The following NOS1 variants were observed in gnomAD, a reference collection of about 807,000 sequenced individuals.
The protein encoded by NOS1 is NOS type I.
A neutral mutation model predicts 164.5 loss-of-function variants in NOS1; 51 were observed. The observed-to-expected ratio is 0.31, with a 90% confidence interval of 0.25 to 0.39. NOS1 has a LOEUF of 0.39. NOS1 is among the 10% of genes least tolerant of loss of function. The pLI, the probability that NOS1 is intolerant of heterozygous loss-of-function variation, is 1.00. For missense variants in NOS1, 1,362 were observed against 1,885.6 expected, an observed-to-expected ratio of 0.72 and a Z score of 5.14; for synonymous variants, 719 against 745.8, an observed-to-expected ratio of 0.96 and a Z score of 0.59.
At chr12:117,275,386 A>G (rs1179317027) in intron 9 of NOS1, among the ~76,000 whole-genome samples, 2 of 152,188 alleles carry the variant, frequency 1.3e-5, no homozygotes, top group Non-Finnish European at 2.9e-5. Flanking sequence ...GTTAAGTGAA[A>G]TGAACCAGGA....
chr12:117,342,912 G>C (rs1231197933), intron 1 of NOS1, among the ~76,000 whole-genome samples: 1 of 152,030 alleles, frequency 6.6e-6, no homozygotes, highest in Non-Finnish European at 1.5e-5. Context: ...GAGTCAACAA[G>C]ATTTGGTGAC....
At chr12:117,261,833 A>G (rs531274319) in intron 13 of NOS1, among the ~76,000 whole-genome samples, 37 of 152,352 alleles carry the variant, frequency 2.4e-4, no homozygotes, top group Middle Eastern at 3.4e-3. Context: ...AGATGCTGCC[A>G]CTGAGACCCT....
chr12:117,291,401 G>A (rs1483010445), intron 3 of NOS1, among the ~76,000 whole-genome samples: 1 of 151,968 alleles, frequency 6.6e-6, no homozygotes, highest in African/African-American at 2.4e-5. Flanking sequence ...CCTCTTTATG[G>A]GGACCTTTAG....
chr12:117,335,285 G>C (rs1875753210), intron 1 of NOS1, among the ~76,000 whole-genome samples: 1 of 152,132 alleles, frequency 6.6e-6, no homozygotes, highest in African/African-American at 2.4e-5. Flanking sequence ...GGTCTGGGTG[G>C]GGGGCACCGT....
intron 5 of NOS1, 84 bp downstream of exon 5, chr12:117,287,990 T>C (rs1007750163): frequency 6.5e-6 from 10 of 1,544,508 alleles, no homozygotes; most frequent in Non-Finnish European, 8.0e-6. Context: ...TGCCTTGGCC[T>C]TGGTTTGCAA....
chr12:117,340,873 A>ATTTTTTTTTTTTT (rs56322341), intron 1 of NOS1, among the ~76,000 whole-genome samples: 282 of 104,384 alleles, frequency 2.7e-3, no homozygotes, highest in African/African-American at 3.5e-3. Flanking sequence ...ACACCTGGCT[A>ATTTTTTTTTTTTT]TTTTTTTTTT....
intron 26 of NOS1, 48 bp downstream of exon 26, chr12:117,222,667 T>C (rs368044548): frequency 6.4e-7 from 1 of 1,572,590 alleles, no homozygotes; most frequent in East Asian, 2.2e-5. Context: ...GATGTCCAAG[T>C]GTGCATGTGT....
intron 17 of NOS1, among the ~76,000 whole-genome samples, chr12:117,250,389 T>C (rs1413185701): frequency 6.7e-6 from 1 of 150,254 alleles, no homozygotes; most frequent in African/African-American, 2.5e-5. Context: ...AGTGCAGTGG[T>C]GTGATCTTGG....
chr12:117,277,945 C>T lies in NOS1; in HGVS notation c.1664+14G>A, dbSNP rs771976848. On this transcript the variant is annotated intron_variant, in intron 9 of 28. Transcript: ENST00000317775. ...CCCACTCACCCTCTCCCACCCCTTGCCAGTCCCTCTTACTTGGGGTGCCTG... is the reference window on the plus strand; with the variant it reads ...CCCACTCACCCTCTCCCACCCCTTGTCAGTCCCTCTTACTTGGGGTGCCTG... The T allele has an allele frequency of 1.2e-6, 2 of 1,606,426 alleles. No homozygotes were observed. Among genetic ancestry groups the T allele is most frequent in the South Asian group, 2.2e-5 (2 of 90,358 alleles).
chr12:117,277,896 GGGC>G, intron 9 of NOS1, 60 bp downstream of exon 9: 1 of 1,519,580 alleles, frequency 6.6e-7, no homozygotes, highest in Non-Finnish European at 8.9e-7. Context: ...GGATGGGGCT[GGGC>G]AAAGAGGGGC....
chr12:117,302,587 T>G, intron 3 of NOS1, among the ~76,000 whole-genome samples: 1 of 90,934 alleles, frequency 1.1e-5, no homozygotes, highest in South Asian at 4.3e-4. Flanking sequence ...AGAGCGAGAC[T>G]CCGTCTCAAA....
intron 13 of NOS1, among the ~76,000 whole-genome samples, chr12:117,263,478 AC>A (rs1872106889): frequency 1.3e-5 from 2 of 151,876 alleles, no homozygotes; most frequent in South Asian, 4.2e-4. Flanking sequence ...TGGGGAACAG[AC>A]CCTATCTCAA....
At position 117,210,573 on chromosome 12, in the gene NOS1, A is replaced by C. The variant is rs1193730085; in HGVS notation, c.*4736T>G. On this transcript the variant is annotated 3_prime_UTR_variant, in exon 29 of 29. Coordinates refer to ENST00000317775, the MANE Select transcript of NOS1 (RefSeq NM_000620.5). ...CTAATGGCAAGAATGAAAAGGCTGC[A>C]TTAGGCGCTGGTGCTGTCGGAGTGA... 7 of 985,438 alleles carry C rather than the reference A, an allele frequency of 7.1e-6. No homozygotes were observed. The highest frequency in any genetic ancestry group is 8.4e-6 in the Non-Finnish European group (7 of 830,016). 61.0% of individuals were successfully genotyped at this position (985,438 alleles called of 1,614,324 possible). A position where few individuals can be genotyped will look rare whatever the true frequency, so the allele number is the denominator to read the frequency against.
At chr12:117,360,225 C>T (rs1877070039) in intron 1 of NOS1, among the ~76,000 whole-genome samples, 1 of 151,972 alleles carries the variant, frequency 6.6e-6, no homozygotes, top group African/African-American at 2.4e-5. Context: ...TGATGCGGAG[C>T]TTGGAGAGCC....
At chr12:117,359,877 TA>T (rs756377207) in intron 1 of NOS1, among the ~76,000 whole-genome samples, 8,557 of 20,646 alleles carry the variant, frequency 0.41, 1,182 homozygotes, top group African/African-American at 0.49. Flanking sequence ...ATAATGGTTT[TA>T]TATATATATA....
chr12:117,257,143 G>A (rs940663172), intron 16 of NOS1, among the ~76,000 whole-genome samples: 1 of 152,128 alleles, frequency 6.6e-6, no homozygotes, highest in Admixed American at 6.5e-5. Context: ...GGGTGCCGTG[G>A]TATAATTATG....
intron 20 of NOS1, among the ~76,000 whole-genome samples, chr12:117,235,415 T>C (rs1869623301): frequency 6.6e-6 from 1 of 152,130 alleles, no homozygotes; most frequent in African/African-American, 2.4e-5. Context: ...GTCTAGCACT[T>C]CACTGGGACC....
chr12:117,270,752 T>G (rs1011483970), intron 10 of NOS1, among the ~76,000 whole-genome samples: 1 of 152,128 alleles, frequency 6.6e-6, no homozygotes, highest in Non-Finnish European at 1.5e-5. Context: ...GGTGGTTGTT[T>G]AGGCTGGGCG....
At position 117,330,418 on chromosome 12, in the gene NOS1, T is replaced by G; in HGVS notation, c.652A>C (p.Ser218Arg). 1 of 1,614,162 alleles carries G rather than the reference T, an allele frequency of 6.2e-7. No individual in the cohort carries two copies. The highest frequency in any genetic ancestry group is 8.5e-7 in the Non-Finnish European group (1 of 1,180,044). The change falls in exon 2 of 29, where the codon AGT (serine) becomes CGT (arginine). Residue 218 changes from serine to arginine, a missense_variant. Coordinates refer to ENST00000317775, the MANE Select transcript of NOS1 (RefSeq NM_000620.5). This position sits in a 1 kb window ranked among gnomAD's most constrained non-coding sequence, Gnocchi z 4.6. The part of the protein sequence containing the change: ...EIEPVLSLLT[S>R]GSRGVKGGAP... ...CCTCCCTTGACCCCTCTGCTCCCAC[T>G]GGTGAGAAGGCTCAGCACAGGCTCT...
Sources: allele counts gnomAD v4.1 joint callset (sites outside exome capture counted in the v4.1 genomes callset), GRCh38; gene constraint gnomAD v4.1.1; non-coding constraint Gnocchi (gnomAD v3.1); transcripts MANE v1.5; gene names NCBI Gene and HGNC (gene_info 2026-07-23, HGNC 2026-07-21).